DLG2: variants seen among roughly 807,000 people sequenced by gnomAD.
DLG2 encodes the protein disks large homolog 2.
DLG2 carries 45 observed loss-of-function variants against 132.5 expected under a neutral mutation model. The ratio of observed to expected loss-of-function variants is 0.34; its 90% CI spans 0.27 to 0.44. DLG2 has a LOEUF of 0.44. Ranked by LOEUF, DLG2 falls within the 20% of genes least tolerant of loss-of-function variation. The pLI, the probability that DLG2 is intolerant of heterozygous loss-of-function variation, is 1.00. For synonymous variants in DLG2, 424 were observed against 419.6 expected, an observed-to-expected ratio of 1.01 and a Z score of -0.13; for missense variants, 1,045 against 1,196.9, an observed-to-expected ratio of 0.87 and a Z score of 1.87.
At chr11:83,827,058 C>T (rs1206097975) in intron 17 of DLG2, among the ~76,000 whole-genome samples, 1 of 152,072 alleles carries the variant, frequency 6.6e-6, no homozygotes, top group East Asian at 1.9e-4. Flanking sequence ...AAGGTTCCTT[C>T]ATGGGACCGG....
chr11:84,638,629 C>A (rs185953325), intron 6 of DLG2, among the ~76,000 whole-genome samples: 23 of 152,262 alleles, frequency 1.5e-4, no homozygotes, highest in Non-Finnish European at 1.8e-4. Flanking sequence ...GCTCAACTAG[C>A]CATACTTTTT....
rs555068690 is a variant in DLG2, at chr11:83,517,154, G to A, written c.2193+15554C>T. Among the ~76,000 whole-genome samples, 4 of 152,258 alleles carry A rather than the reference G, an allele frequency of 2.6e-5. No homozygotes were observed. In the East Asian group the frequency reaches 7.7e-4, roughly 29 times the overall value. On this transcript the variant is annotated intron_variant, in intron 21 of 27. Coordinates refer to ENST00000376104, the MANE Select transcript of DLG2 (RefSeq NM_001142699.3). Reference sequence around the variant, plus strand: ...GGTTCCATTCTCCCCGTCACTTTCAGGTACACCAATCAGATGTAGATTTGG... The same window carrying A: ...GGTTCCATTCTCCCCGTCACTTTCAAGTACACCAATCAGATGTAGATTTGG...
chr11:84,049,596 A>C (rs2154117958), intron 11 of DLG2, among the ~76,000 whole-genome samples: 1 of 151,874 alleles, frequency 6.6e-6, no homozygotes, highest in South Asian at 2.1e-4. Context: ...CACAGACTGG[A>C]GCTTGTACTT....
At chr11:85,385,634 C>G (rs1055622644) in intron 3 of DLG2, among the ~76,000 whole-genome samples, 1 of 152,158 alleles carries the variant, frequency 6.6e-6, no homozygotes, top group Non-Finnish European at 1.5e-5. Flanking sequence ...CATCAGTAAA[C>G]TCCATGTTTT....
intron 14 of DLG2, 117 bp from the exon 15 acceptor site, chr11:83,930,600 T>A: frequency 1.8e-6 from 2 of 1,116,072 alleles, no homozygotes; most frequent in Non-Finnish European, 1.3e-6. Flanking sequence ...TTATCTTGAT[T>A]TGTTACTAAA....
intron 9 of DLG2, among the ~76,000 whole-genome samples, chr11:84,128,526 T>C (rs996549556): frequency 1.3e-5 from 2 of 152,150 alleles, no homozygotes; most frequent in African/African-American, 4.8e-5. Context: ...CAATTCTTCC[T>C]TCTAGAAATG....
At chr11:85,051,890 C>G (rs1185726286) in intron 6 of DLG2, among the ~76,000 whole-genome samples, 1 of 152,096 alleles carries the variant, frequency 6.6e-6, no homozygotes, top group Non-Finnish European at 1.5e-5. Flanking sequence ...ACCCTCAAGC[C>G]ATCTGATAAG....
At chr11:83,721,197 A>G (rs549288713) in intron 18 of DLG2, among the ~76,000 whole-genome samples, 2 of 152,312 alleles carry the variant, frequency 1.3e-5, no homozygotes, top group South Asian at 2.1e-4. Flanking sequence ...AAAGGACACT[A>G]TAAGACTGCA....
chr11:83,513,454 A>C (rs2095145197), intron 21 of DLG2, among the ~76,000 whole-genome samples: 1 of 152,100 alleles, frequency 6.6e-6, no homozygotes, highest in Non-Finnish European at 1.5e-5. Context: ...GTAGATTGCA[A>C]ATATTTTCTC....
At chr11:85,398,191 C>G (rs947482844) in intron 3 of DLG2, among the ~76,000 whole-genome samples, 3 of 152,030 alleles carry the variant, frequency 2.0e-5, no homozygotes, top group African/African-American at 4.8e-5. Context: ...GGGTAAATAA[C>G]AAAATGAAGG....
intron 11 of DLG2, among the ~76,000 whole-genome samples, chr11:84,028,240 AAT>A (rs2095595425): frequency 6.6e-6 from 1 of 152,036 alleles, no homozygotes; most frequent in African/African-American, 2.4e-5. Flanking sequence ...GAGTCGAACA[AAT>A]ATAGAGTCAT....
chr11:83,717,887 T>C (rs1250588776), intron 18 of DLG2, among the ~76,000 whole-genome samples: 1 of 152,180 alleles, frequency 6.6e-6, no homozygotes, highest in African/African-American at 2.4e-5. Flanking sequence ...CAAAGACAGA[T>C]CCTTTGGGTT....
chr11:84,404,571 C>A (rs975090368), intron 7 of DLG2, among the ~76,000 whole-genome samples: 1 of 152,042 alleles, frequency 6.6e-6, no homozygotes, highest in African/African-American at 2.4e-5. Flanking sequence ...TAGGTAAATA[C>A]GTGTCTAGTA....
chr11:83,518,356 T>G (rs139522310), intron 21 of DLG2, among the ~76,000 whole-genome samples: 1 of 152,350 alleles, frequency 6.6e-6, no homozygotes, highest in East Asian at 1.9e-4. Context: ...TGACGTTTGC[T>G]AAGACCATTG....
chr11:85,141,971 T>C (rs892249134), intron 5 of DLG2, among the ~76,000 whole-genome samples: 3 of 151,944 alleles, frequency 2.0e-5, no homozygotes, highest in Admixed American at 6.6e-5. Flanking sequence ...TGTAGTATAA[T>C]TTAAAGTCAG....
intron 7 of DLG2, among the ~76,000 whole-genome samples, chr11:84,425,485 T>G (rs1567601870): frequency 6.6e-6 from 1 of 152,170 alleles, no homozygotes; most frequent in Non-Finnish European, 1.5e-5. Context: ...AGGAAATTCT[T>G]ACTTGTGTAT....
At chr11:83,911,948 C>A (rs1192736716) in intron 15 of DLG2, among the ~76,000 whole-genome samples, 1 of 151,198 alleles carries the variant, frequency 6.6e-6, no homozygotes, top group African/African-American at 2.4e-5. Context: ...TTAATTCCTA[C>A]CCCAAAGGTT....
chr11:85,331,775 C>A (rs949363529), intron 3 of DLG2, among the ~76,000 whole-genome samples: 3 of 152,072 alleles, frequency 2.0e-5, no homozygotes, highest in Non-Finnish European at 2.9e-5. Context: ...CAGCTGCATA[C>A]CAGTTGCTGC....
At chr11:84,508,092 CA>C (rs1232283744) in intron 7 of DLG2, among the ~76,000 whole-genome samples, 1 of 152,118 alleles carries the variant, frequency 6.6e-6, no homozygotes, top group Non-Finnish European at 1.5e-5. Context: ...CAAAGTTTTC[CA>C]CTGGGTTCTC....
Sources: allele counts gnomAD v4.1 joint callset (sites outside exome capture counted in the v4.1 genomes callset), GRCh38; gene constraint gnomAD v4.1.1; transcripts MANE v1.5; gene names NCBI Gene and HGNC (gene_info 2026-07-23, HGNC 2026-07-21).